FHIT: variants seen among roughly 807,000 people sequenced by gnomAD.
FHIT encodes fragile histidine triad diadenosine triphosphatase.
A neutral mutation model predicts 17.9 loss-of-function variants in FHIT; 19 were observed. That is an observed-to-expected ratio of 1.06 (90% CI 0.74 to 1.56). FHIT has a LOEUF of 1.56. Among genes scored for constraint, FHIT ranks in the 40% most tolerant of loss-of-function variants. The pLI, the probability that FHIT is intolerant of heterozygous loss-of-function variation, is 0.00. For missense variants in FHIT, 248 were observed against 189.2 expected, an observed-to-expected ratio of 1.31 and a Z score of -1.82; for synonymous variants, 81 against 69.7, an observed-to-expected ratio of 1.16 and a Z score of -0.81.
intron 3 of FHIT, among the ~76,000 whole-genome samples, chr3:60,993,618 C>G (rs1016208608): frequency 2.0e-5 from 3 of 152,192 alleles, no homozygotes; most frequent in African/African-American, 7.2e-5. Context: ...TATCCTAACT[C>G]TCTCCATTAA....
intron 7 of FHIT, among the ~76,000 whole-genome samples, chr3:59,999,800 G>A (rs532742655): frequency 1.3e-5 from 2 of 152,020 alleles, no homozygotes; most frequent in Non-Finnish European, 1.5e-5. Flanking sequence ...TAGAGACAGG[G>A]TTTCACCATG....
chr3:60,523,867 A>G (rs2035470175), intron 5 of FHIT, among the ~76,000 whole-genome samples: 1 of 152,196 alleles, frequency 6.6e-6, no homozygotes, highest in African/African-American at 2.4e-5. Context: ...GGAATGATGA[A>G]TATTAGTTAT....
intron 5 of FHIT, among the ~76,000 whole-genome samples, chr3:60,262,310 T>C (rs960968173): frequency 3.9e-5 from 6 of 152,046 alleles, no homozygotes; most frequent in Non-Finnish European, 8.8e-5. Flanking sequence ...ACCAGTAGCA[T>C]GGTGTATTCA....
chr3:60,253,930 A>G (rs1047523780), intron 5 of FHIT, among the ~76,000 whole-genome samples: 12 of 152,330 alleles, frequency 7.9e-5, no homozygotes, highest in African/African-American at 2.6e-4. Flanking sequence ...TACTAATCTA[A>G]TCTCAACTAT....
At chr3:60,671,358 TAC>T (rs142059868) in intron 4 of FHIT, among the ~76,000 whole-genome samples, 30 of 151,124 alleles carry the variant, frequency 2.0e-4, no homozygotes, top group African/African-American at 6.3e-4. Flanking sequence ...AATACACACA[TAC>T]ACACACACAC....
chr3:60,715,731 C>G (rs1404489108), intron 4 of FHIT, among the ~76,000 whole-genome samples: 1 of 151,870 alleles, frequency 6.6e-6, no homozygotes, highest in Non-Finnish European at 1.5e-5. Flanking sequence ...TGTAACTAAC[C>G]TGCACATTGT....
chr3:60,222,891 A>T (rs1418151943), intron 5 of FHIT, among the ~76,000 whole-genome samples: 2 of 152,076 alleles, frequency 1.3e-5, no homozygotes, highest in Non-Finnish European at 2.9e-5. Context: ...AAAGAGCGAG[A>T]CTCCATCTCA....
intron 5 of FHIT, among the ~76,000 whole-genome samples, chr3:60,076,843 C>T (rs547040053): frequency 7.4e-5 from 11 of 149,480 alleles, no homozygotes; most frequent in Non-Finnish European, 1.6e-4. Context: ...CTAAGGCAAG[C>T]ACAAAAAATA....
chr3:61,001,844 A>G (rs2031107034), intron 3 of FHIT, among the ~76,000 whole-genome samples: 1 of 152,192 alleles, frequency 6.6e-6, no homozygotes, highest in African/African-American at 2.4e-5. Flanking sequence ...AATAAGCTCT[A>G]TGGATATGCA....
chr3:59,758,462 G>A (rs546034750), intron 8 of FHIT, among the ~76,000 whole-genome samples: 3 of 152,234 alleles, frequency 2.0e-5, no homozygotes, highest in South Asian at 2.1e-4. Flanking sequence ...GATGGTCTCC[G>A]GCCCTACAAA....
intron 5 of FHIT, among the ~76,000 whole-genome samples, chr3:60,327,168 T>G (rs953985084): frequency 3.3e-5 from 5 of 152,234 alleles, no homozygotes; most frequent in Non-Finnish European, 5.9e-5. Flanking sequence ...ATGTTTCATA[T>G]TCCATCTTCT....
At chr3:60,158,484 G>C (rs1375501941) in intron 5 of FHIT, among the ~76,000 whole-genome samples, 1 of 151,984 alleles carries the variant, frequency 6.6e-6, no homozygotes, top group Non-Finnish European at 1.5e-5. Context: ...GCTAATTTTT[G>C]TATTTTTAGT....
intron 3 of FHIT, among the ~76,000 whole-genome samples, chr3:60,895,669 T>TTCCTTC (rs1559808620): frequency 0.024 from 496 of 21,088 alleles, 7 homozygotes; most frequent in African/African-American, 0.04. Flanking sequence ...TTCCTTCCTT[T>TTCCTTC]CTTTCTTTCT....
At chr3:59,983,953 T>C (rs113457707) in intron 7 of FHIT, among the ~76,000 whole-genome samples, 1 of 103,444 alleles carries the variant, frequency 9.7e-6, no homozygotes, top group African/African-American at 2.8e-5. Context: ...ACTGAAGTGA[T>C]AGGGCAAAGA....
intron 8 of FHIT, among the ~76,000 whole-genome samples, chr3:59,844,504 TG>T (rs1187036998): frequency 4.0e-5 from 6 of 151,396 alleles, no homozygotes; most frequent in African/African-American, 1.5e-4. Flanking sequence ...TGTCTGTGTG[TG>T]TCTGTGTGTG....
chr3:60,349,560 C>T (rs1439010271), intron 5 of FHIT, among the ~76,000 whole-genome samples: 1 of 151,964 alleles, frequency 6.6e-6, no homozygotes, highest in Non-Finnish European at 1.5e-5. Context: ...AAACATATTC[C>T]AAAAGATTCA....
intron 5 of FHIT, among the ~76,000 whole-genome samples, chr3:60,220,016 T>C (rs1270405513): frequency 6.6e-6 from 1 of 152,110 alleles, no homozygotes; most frequent in African/African-American, 2.4e-5. Flanking sequence ...TCAGTCCCCC[T>C]GATACAAAAG....
chr3:60,895,030 G>A (rs576075387), intron 3 of FHIT, among the ~76,000 whole-genome samples: 11 of 152,232 alleles, frequency 7.2e-5, no homozygotes, highest in Middle Eastern at 3.4e-3. Flanking sequence ...CTTCAATCCC[G>A]AGTGTCCTGT....
intron 8 of FHIT, among the ~76,000 whole-genome samples, chr3:59,912,109 C>T (rs36095441): frequency 0.014 from 2,149 of 152,276 alleles, 34 homozygotes; most frequent in Non-Finnish European, 0.022. Context: ...GATAAATGTA[C>T]CTTAATGCCC....
Sources: gnomAD v4.1 joint callset for allele counts (sites outside exome capture counted in the v4.1 genomes callset) on GRCh38, gnomAD v4.1.1 for gene constraint, MANE v1.5 for transcripts, NCBI Gene and HGNC (gene_info 2026-07-23, HGNC 2026-07-21) for gene names.